The following FAM178B variants were observed in gnomAD, a reference collection of about 807,000 sequenced individuals.
FAM178B encodes the protein family with sequence similarity 178 member B.
In FAM178B, 82 loss-of-function variants were observed where a neutral mutation model predicts 91.7. The observed-to-expected ratio is 0.89, with a 90% CI of 0.75 to 1.07. The LOEUF is 1.07. Among genes scored for constraint, FAM178B ranks in the 50% least tolerant of loss-of-function variants. FAM178B has a pLI of 0.00. For missense variants in FAM178B, 769 were observed against 846.7 expected (o/e 0.91, Z 1.14); for synonymous variants, 368 against 359.4 (o/e 1.02, Z -0.27).
At chr2:96,942,360 A>T (rs545218537) in intron 8 of FAM178B, among the ~76,000 whole-genome samples, 2 of 152,324 alleles carry the variant, frequency 1.3e-5, no homozygotes, top group Non-Finnish European at 2.9e-5. Flanking sequence ...GCTGGTCCTA[A>T]AATTCACATG....
chr2:96,977,044 A>C (rs1188353734), intron 1 of FAM178B, among the ~76,000 whole-genome samples: 2 of 150,938 alleles, frequency 1.3e-5, no homozygotes, highest in East Asian at 3.9e-4. Context: ...AAAATACAAA[A>C]ATTAGCTGGG....
In FAM178B at chr2:96,986,511, C is replaced by T. The variant is rs1447959286; in HGVS notation, c.-198G>A. ...AAGATCCAGTTCTGGGGATTGAGTT[C>T]CGACTCCAAACCAAGCGGCCAGCTC... On this transcript the variant is annotated 5_prime_UTR_variant, in exon 1 of 17. Coordinates refer to ENST00000490605, the MANE Select transcript of FAM178B (RefSeq NM_001122646.3). The T allele has an allele frequency of 3.0e-6, 2 of 661,000 alleles. No homozygotes were observed. The highest frequency in any genetic ancestry group is 4.9e-6 in the Non-Finnish European group (2 of 407,674). The allele number at this position is 661,000 out of a possible 1,614,324, so 40.9% of individuals were successfully genotyped here. A position where few individuals can be genotyped will look rare whatever the true frequency, so the allele number is the denominator to read the frequency against.
chr2:96,936,221 A>C (rs2081623876), intron 8 of FAM178B, among the ~76,000 whole-genome samples: 1 of 152,030 alleles, frequency 6.6e-6, no homozygotes, highest in African/African-American at 2.4e-5. Context: ...TTTATTTTTG[A>C]GACGGAGTCT....
intron 15 of FAM178B, among the ~76,000 whole-genome samples, 172 bp downstream of exon 15, chr2:96,878,239 GTGGGA>G (rs2080295298): frequency 6.6e-6 from 1 of 152,198 alleles, no homozygotes; most frequent in Non-Finnish European, 1.5e-5. Context: ...GGCTCAGCTG[GTGGGA>G]CACTGTGGGG....
chr2:96,972,049 C>T lies in FAM178B; in HGVS notation c.416G>A (p.Gly139Asp). 1.9e-6 allele frequency: 3 copies of T among 1,549,094 alleles called. No homozygotes were observed. Among genetic ancestry groups the T allele is most frequent in the Non-Finnish European group, 2.6e-6 (3 of 1,146,154 alleles). ...AGCCAGTCTCCTCAGGCCCTGGGGG[C>T]CCACCACACCCACCCACCTCTGGGC... ...APAQRWVGVVGPQGLRRLAGE... is the reference protein window; with the variant it reads ...APAQRWVGVVDPQGLRRLAGE... The change falls in exon 3 of 17, where the codon GGC becomes GAC. Residue 139 changes from glycine to aspartate, a missense_variant. Transcript: ENST00000490605.
Position 96,877,884 on chromosome 2 carries a change from C to T in FAM178B, c.2007+6G>A. ...TCCCAGGTCTGGGGGCTAGAGGGGG[C>T]ACCACCTGGGGCTGGCAGTGGGTCA... On this transcript the variant is annotated splice_donor_region_variant and intron_variant, in intron 16 of 16. Coordinates refer to ENST00000490605, the MANE Select transcript of FAM178B (RefSeq NM_001122646.3). The T allele has an allele frequency of 6.2e-7, 1 of 1,612,064 alleles. No individual in the cohort carries two copies. The highest frequency in any genetic ancestry group is 8.5e-7 in the Non-Finnish European group (1 of 1,179,816).
chr2:96,935,269 C>T (rs1327806090), intron 8 of FAM178B, among the ~76,000 whole-genome samples: 1 of 152,230 alleles, frequency 6.6e-6, no homozygotes, highest in Non-Finnish European at 1.5e-5. Context: ...AGGCAGGTCA[C>T]AGCCGGTGCA....
chr2:96,906,289 C>A (rs528526012), intron 12 of FAM178B, among the ~76,000 whole-genome samples: 1 of 151,214 alleles, frequency 6.6e-6, no homozygotes, highest in South Asian at 2.1e-4. Flanking sequence ...GCAAGCTCCG[C>A]CTCCTGGGTT....
chr2:96,920,551 G>A (rs935861195), intron 12 of FAM178B, among the ~76,000 whole-genome samples: 13 of 152,044 alleles, frequency 8.6e-5, no homozygotes, highest in Non-Finnish European at 1.8e-4. Context: ...AGCGAGCCGA[G>A]ATCGCACCAC....
At chr2:96,945,286 C>A (rs999541137) in intron 8 of FAM178B, among the ~76,000 whole-genome samples, 1 of 145,468 alleles carries the variant, frequency 6.9e-6, no homozygotes, top group Non-Finnish European at 1.6e-5. Context: ...CCCACACACA[C>A]ACTAGAGTGC....
chr2:96,971,344 T>A (rs1224126324), intron 3 of FAM178B, among the ~76,000 whole-genome samples: 1 of 148,022 alleles, frequency 6.8e-6, no homozygotes, highest in African/African-American at 2.5e-5. Flanking sequence ...TGTGTCTCTG[T>A]CTGTCTGTCT....
chr2:96,973,512 A>T (rs2082251037), intron 1 of FAM178B, among the ~76,000 whole-genome samples: 1 of 152,196 alleles, frequency 6.6e-6, no homozygotes, highest in Non-Finnish European at 1.5e-5. Flanking sequence ...ACCATGGCAC[A>T]CACACAGACA....
chr2:96,876,151 C>A lies in FAM178B; in HGVS notation c.*125G>T. ...GTCGGGGCGGTGGCAGGGGCAGGCT[C>A]TTGCCTCATCAGGCTGGTCAGCATG... On this transcript the variant is annotated 3_prime_UTR_variant, in exon 17 of 17. Coordinates refer to ENST00000490605, the MANE Select transcript of FAM178B (RefSeq NM_001122646.3). The A allele has an allele frequency of 1.0e-6, 1 of 998,240 alleles. No individual in the cohort carries two copies. The highest frequency in any genetic ancestry group is 2.6e-5 in the East Asian group (1 of 38,424). 61.8% of individuals were successfully genotyped at this position (998,240 alleles called of 1,614,324 possible).
At chr2:96,944,478 A>C (rs1181744456) in intron 8 of FAM178B, among the ~76,000 whole-genome samples, 2 of 152,178 alleles carry the variant, frequency 1.3e-5, no homozygotes, top group Non-Finnish European at 2.9e-5. Context: ...GTGACCTCGT[A>C]TGTCCCATCC....
chr2:96,986,198 C>T (rs910190756), intron 1 of FAM178B, 43 bp downstream of exon 1: 7 of 1,533,654 alleles, frequency 4.6e-6, no homozygotes, highest in Non-Finnish European at 6.1e-6. Context: ...TCTCTGAGCG[C>T]TAACCACGCG....
intron 8 of FAM178B, among the ~76,000 whole-genome samples, chr2:96,933,632 G>A (rs888371784): frequency 6.6e-6 from 1 of 152,104 alleles, no homozygotes; most frequent in Non-Finnish European, 1.5e-5. Flanking sequence ...GGGCTTTGGC[G>A]GCAGGAGACT....
intron 9 of FAM178B, among the ~76,000 whole-genome samples, chr2:96,924,975 A>T (rs115365682): frequency 6.6e-6 from 1 of 151,858 alleles, no homozygotes; most frequent in Non-Finnish European, 1.5e-5. Flanking sequence ...CGACAAACCA[A>T]ACTTGGTGGG....
rs918956918 is a variant in FAM178B, at chr2:96,879,335, G to A, written c.1777-842C>T. On this transcript the variant is annotated intron_variant, in intron 14 of 16. Coordinates refer to ENST00000490605, the MANE Select transcript of FAM178B (RefSeq NM_001122646.3). ...GAGGACGAGTAGGGGTGGGAGAGGC[G>A]GGCTCTAGAAATGCCGGCAGGTGAC... 2.6e-5 allele frequency among the ~76,000 whole-genome samples: 4 copies of A among 152,162 alleles called. No homozygotes were observed. The South Asian group carries it at 6.2e-4, about 24-fold the overall frequency.
At chr2:96,935,146 C>G (rs2081603388) in intron 8 of FAM178B, among the ~76,000 whole-genome samples, 1 of 151,970 alleles carries the variant, frequency 6.6e-6, no homozygotes, top group South Asian at 2.1e-4. Flanking sequence ...CTACAAATAA[C>G]AAAATGGAAC....
Sources: allele counts gnomAD v4.1 joint callset (sites outside exome capture counted in the v4.1 genomes callset), GRCh38; gene constraint gnomAD v4.1.1; transcripts MANE v1.5; gene names NCBI Gene and HGNC (gene_info 2026-07-23, HGNC 2026-07-21).